Variants in EYS observed in about 807,000 individuals in gnomAD.
The protein encoded by EYS is protein eyes shut homolog.
Under a neutral mutation model 282.1 loss-of-function variants are expected in EYS, and 250 were observed. The ratio of observed to expected loss-of-function variants is 0.89; its 90% confidence interval spans 0.80 to 0.98. The LOEUF is 0.98. Among genes scored for constraint, EYS ranks in the 50% least tolerant of loss-of-function variants. The pLI is 0.00. For synonymous variants in EYS, 1,355 were observed against 1,282.9 expected, an observed-to-expected ratio of 1.06 and a Z score of -1.20; for missense variants, 4,016 against 3,709.0, an observed-to-expected ratio of 1.08 and a Z score of -2.15.
intron 22 of EYS, among the ~76,000 whole-genome samples, chr6:64,745,601 T>A (rs1416120016): frequency 6.6e-6 from 1 of 152,138 alleles, no homozygotes; most frequent in Non-Finnish European, 1.5e-5. Context: ...GCCACTGTAA[T>A]CCAGAAAAAT....
chr6:64,874,282 T>C (rs1766678726), intron 19 of EYS, among the ~76,000 whole-genome samples: 1 of 152,102 alleles, frequency 6.6e-6, no homozygotes, highest in African/African-American at 2.4e-5. Flanking sequence ...CTAGCTTCCA[T>C]AGGTGAAGTA....
At chr6:64,249,541 A>T (rs905478127) in intron 30 of EYS, among the ~76,000 whole-genome samples, 2 of 152,214 alleles carry the variant, frequency 1.3e-5, no homozygotes, top group Non-Finnish European at 1.5e-5. Context: ...ATAATAAAAA[A>T]GGAAGGGTAA....
intron 5 of EYS, among the ~76,000 whole-genome samples, chr6:65,421,021 T>A (rs1767437288): frequency 6.6e-6 from 1 of 151,868 alleles, no homozygotes; most frequent in South Asian, 2.1e-4. Flanking sequence ...TTAAGGAACC[T>A]AGGATTTTTG....
chr6:65,118,061 T>C (rs1437352432), intron 12 of EYS, among the ~76,000 whole-genome samples: 6 of 152,192 alleles, frequency 3.9e-5, no homozygotes, highest in Admixed American at 3.9e-4. Context: ...TTGTTGGTGA[T>C]TTAGAGTCAG....
chr6:65,155,092 A>C (rs950990071), intron 12 of EYS, among the ~76,000 whole-genome samples: 3 of 151,702 alleles, frequency 2.0e-5, no homozygotes, highest in South Asian at 2.1e-4. Context: ...AAGCAAATGC[A>C]CTCAGGAATT....
intron 35 of EYS, among the ~76,000 whole-genome samples, chr6:63,903,154 A>G (rs1773696402): frequency 6.6e-6 from 1 of 152,170 alleles, no homozygotes; most frequent in East Asian, 1.9e-4. Context: ...GCAGTGGAGG[A>G]GAAAGAAACA....
intron 2 of EYS, among the ~76,000 whole-genome samples, chr6:65,615,750 C>T (rs2046836): frequency 0.18 from 27,988 of 151,456 alleles, 2,678 homozygotes; most frequent in African/African-American, 0.24. Flanking sequence ...CTGGCTAACA[C>T]GGTGAAACCC....
intron 12 of EYS, among the ~76,000 whole-genome samples, chr6:65,109,754 CA>C (rs1775158349): frequency 6.6e-6 from 1 of 151,964 alleles, no homozygotes; most frequent in South Asian, 2.1e-4. Context: ...CCCACAGTGA[CA>C]GTAATTTACT....
At chr6:65,555,931 A>C (rs1999363) in intron 2 of EYS, among the ~76,000 whole-genome samples, 83,462 of 151,950 alleles carry the variant, frequency 0.55, 22,942 homozygotes, top group East Asian at 0.71. Context: ...TATATAATTA[A>C]AATTAATTTT....
intron 13 of EYS, among the ~76,000 whole-genome samples, chr6:65,031,184 C>CAA (rs1219427648): frequency 6.7e-6 from 1 of 149,970 alleles, no homozygotes; most frequent in Non-Finnish European, 1.5e-5. Flanking sequence ...TACACACACA[C>CAA]ACACACATAT....
intron 35 of EYS, among the ~76,000 whole-genome samples, chr6:63,874,874 G>A (rs1174851748): frequency 1.3e-5 from 2 of 152,218 alleles, no homozygotes; most frequent in Admixed American, 1.3e-4. Flanking sequence ...ATTGTGGGCT[G>A]AGATGATGGA....
intron 12 of EYS, among the ~76,000 whole-genome samples, chr6:65,271,178 T>A (rs1484625149): frequency 1.0e-4 from 10 of 98,354 alleles, no homozygotes; most frequent in African/African-American, 3.5e-4. Context: ...AGAAATTGGC[T>A]CACAGGAAGC....
At chr6:64,352,637 T>A (rs1771682128) in intron 29 of EYS, among the ~76,000 whole-genome samples, 1 of 151,532 alleles carries the variant, frequency 6.6e-6, no homozygotes, top group Non-Finnish European at 1.5e-5. Flanking sequence ...GACAAGTTGG[T>A]TGAATGAGTG....
At chr6:65,669,218 C>T (rs893650765) in intron 1 of EYS, among the ~76,000 whole-genome samples, 2 of 151,918 alleles carry the variant, frequency 1.3e-5, no homozygotes, top group Non-Finnish European at 2.9e-5. Context: ...TTCTAAACTA[C>T]AGGCGATGAA....
At chr6:64,532,067 G>A (rs1464705599) in intron 26 of EYS, among the ~76,000 whole-genome samples, 1 of 152,146 alleles carries the variant, frequency 6.6e-6, no homozygotes, top group Non-Finnish European at 1.5e-5. Flanking sequence ...CCAAAGTCTA[G>A]AAACAGGCTT....
chr6:64,729,888 T>C (rs1038572495), intron 22 of EYS, among the ~76,000 whole-genome samples: 3 of 152,184 alleles, frequency 2.0e-5, no homozygotes, highest in African/African-American at 4.8e-5. Flanking sequence ...ACTGGTAAAA[T>C]AGTTGTACAG....
At chr6:64,046,846 T>C (rs191367432) in intron 33 of EYS, among the ~76,000 whole-genome samples, 1 of 152,354 alleles carries the variant, frequency 6.6e-6, no homozygotes, top group East Asian at 1.9e-4. Flanking sequence ...GTATAGTCTG[T>C]CAGTAGGTCT....
chr6:64,597,497 T>TA (rs1482413188), intron 24 of EYS, among the ~76,000 whole-genome samples: 1 of 152,170 alleles, frequency 6.6e-6, no homozygotes, highest in Non-Finnish European at 1.5e-5. Context: ...AAAATGGTGG[T>TA]ATATATACAC....
intron 19 of EYS, among the ~76,000 whole-genome samples, chr6:64,880,146 A>G (rs1766869155): frequency 6.6e-6 from 1 of 151,998 alleles, no homozygotes; most frequent in Non-Finnish European, 1.5e-5. Context: ...CATTACACAC[A>G]GGCGGAAAAA....
Sources: allele counts gnomAD v4.1 joint callset (sites outside exome capture counted in the v4.1 genomes callset), GRCh38; gene constraint gnomAD v4.1.1; transcripts MANE v1.5; gene names NCBI Gene and HGNC (gene_info 2026-07-23, HGNC 2026-07-21).